The following PTPRN2 variants were observed in gnomAD, a reference collection of about 807,000 sequenced individuals.
The protein encoded by PTPRN2 is protein tyrosine phosphatase receptor type N2.
Under a neutral mutation model 118.8 loss-of-function variants are expected in PTPRN2, and 74 were observed. The ratio of observed to expected loss-of-function variants is 0.62; its 90% CI spans 0.52 to 0.76. The LOEUF (loss-of-function observed/expected upper bound fraction) is 0.76, where lower values mean the gene tolerates loss of function less well. Ranked by LOEUF, PTPRN2 falls within the 30% of genes least tolerant of loss-of-function variation. PTPRN2 has a pLI of 0.00. For missense variants in PTPRN2, 1,481 were observed against 1,394.4 expected (o/e 1.06, Z -0.99); for synonymous variants, 641 against 608.0 (o/e 1.05, Z -0.80).
Position 158,295,218 on chromosome 7 carries a change from C to A in PTPRN2, c.277+21601G>T, listed in dbSNP as rs531660134. On this transcript the variant is annotated intron_variant, in intron 3 of 22. Transcript: ENST00000389418. The stretch of plus-strand genomic sequence containing the variant: ...TTTCTGAGGGTCTAAGCCCATGGGG[C>A]CCGCTGACCCTGCCTGTCTGCCCAG... Among the ~76,000 whole-genome samples the A allele has an allele frequency of 1.9e-3, 157 of 82,432 alleles. 2 individuals are homozygous for A. Among genetic ancestry groups the A allele is most frequent in the African/African-American group, 7.7e-3 (151 of 19,632 alleles). The allele number at this position is 82,432 out of a possible 152,430, so 54.1% of individuals were successfully genotyped here.
chr7:158,165,233 T>A (rs1585706231), intron 6 of PTPRN2, among the ~76,000 whole-genome samples: 1 of 148,820 alleles, frequency 6.7e-6, no homozygotes, highest in Non-Finnish European at 1.5e-5. Context: ...CCCACGCAAG[T>A]GCAGGAGGCA....
chr7:158,370,684 G>A (rs1203440307), intron 2 of PTPRN2, among the ~76,000 whole-genome samples: 1 of 143,862 alleles, frequency 7.0e-6, no homozygotes, highest in Non-Finnish European at 1.5e-5. Context: ...CCCAGGAGGC[G>A]GAGCTTGCAG....
At chr7:158,223,153 A>G (rs1002675033) in intron 3 of PTPRN2, among the ~76,000 whole-genome samples, 1 of 152,226 alleles carries the variant, frequency 6.6e-6, no homozygotes, top group Non-Finnish European at 1.5e-5. Flanking sequence ...GAATACTTCT[A>G]CACTATTAAG....
chr7:158,145,932 C>T (rs1056272262), intron 6 of PTPRN2, among the ~76,000 whole-genome samples: 2 of 152,218 alleles, frequency 1.3e-5, no homozygotes, highest in African/African-American at 4.8e-5. Flanking sequence ...TTTCTTCATG[C>T]CTCAGTTTCC....
intron 10 of PTPRN2, among the ~76,000 whole-genome samples, chr7:158,103,616 T>G (rs1482889370): frequency 6.6e-6 from 1 of 152,190 alleles, no homozygotes; most frequent in Non-Finnish European, 1.5e-5. Flanking sequence ...TCTCTAGCAC[T>G]GTCCGATTTG....
chr7:158,056,332 G>A (rs1037296466), intron 11 of PTPRN2, among the ~76,000 whole-genome samples: 1 of 152,236 alleles, frequency 6.6e-6, no homozygotes, highest in African/African-American at 2.4e-5. Flanking sequence ...GAGCAGGGGG[G>A]CACACCTGGC....
In PTPRN2 at chr7:157,756,420, G is replaced by A. The variant is rs531257383; in HGVS notation, c.1789-73483C>T. Among the ~76,000 whole-genome samples, 12 of 151,782 alleles carry A rather than the reference G, an allele frequency of 7.9e-5. 1 individual carries two copies. The South Asian group carries it at 1.9e-3, about 24-fold the overall frequency. On this transcript the variant is annotated intron_variant, in intron 12 of 22. Coordinates refer to ENST00000389418, the MANE Select transcript of PTPRN2 (RefSeq NM_002847.5). Reference sequence around the variant, plus strand: ...AGTGATTCTCCTGCCTCAGCCTCCCGAAGTACCTGGGATTACAGGTGTCCG... The same window carrying A: ...AGTGATTCTCCTGCCTCAGCCTCCCAAAGTACCTGGGATTACAGGTGTCCG...
At chr7:158,549,356 C>T (rs1826495968) in intron 1 of PTPRN2, among the ~76,000 whole-genome samples, 1 of 152,206 alleles carries the variant, frequency 6.6e-6, no homozygotes, top group African/African-American at 2.4e-5. Context: ...CCTCCTCTGG[C>T]GAGCTTTGTG....
At chr7:157,896,368 T>C (rs1422613408) in intron 12 of PTPRN2, among the ~76,000 whole-genome samples, 1 of 152,170 alleles carries the variant, frequency 6.6e-6, no homozygotes, top group Non-Finnish European at 1.5e-5. Context: ...CCAGGCCCTG[T>C]GGCTCCTCCA....
chr7:157,948,826 T>A (rs1800638787), intron 11 of PTPRN2, among the ~76,000 whole-genome samples: 1 of 152,226 alleles, frequency 6.6e-6, no homozygotes, highest in African/African-American at 2.4e-5. Context: ...TTATGGAAGC[T>A]CAACTGGTGA....
At chr7:158,519,951 G>A (rs1823862055) in intron 1 of PTPRN2, among the ~76,000 whole-genome samples, 1 of 152,176 alleles carries the variant, frequency 6.6e-6, no homozygotes, top group Non-Finnish European at 1.5e-5. Context: ...TTCCTGTTCA[G>A]TGCAATGACT....
At chr7:158,084,532 A>G (rs912744904) in intron 10 of PTPRN2, among the ~76,000 whole-genome samples, 1 of 152,118 alleles carries the variant, frequency 6.6e-6, no homozygotes, top group African/African-American at 2.4e-5. Context: ...AGGAAATAAA[A>G]AGTAAAACAA....
chr7:157,656,242 C>T (rs771742621), intron 14 of PTPRN2, 115 bp downstream of exon 14: 48 of 1,094,172 alleles, frequency 4.4e-5, no homozygotes, highest in Non-Finnish European at 6.1e-5. Context: ...GGGCAGGGTG[C>T]AGCCATCATC....
At chr7:157,778,129 G>A (rs1307172647) in intron 12 of PTPRN2, among the ~76,000 whole-genome samples, 1 of 152,228 alleles carries the variant, frequency 6.6e-6, no homozygotes, top group Non-Finnish European at 1.5e-5. Flanking sequence ...AGAACACACA[G>A]ACTCCCTGTT....
rs376451570 is a variant in PTPRN2 at position 158,316,567 on chromosome 7, G to A, written c.277+252C>T. ...CCTACTTTGTGCCAGGCCCAGCTGC[G>A]GGCCACTGCAGCCTCCTGGCATCTC... is the stretch of plus-strand genomic sequence containing the variant. On this transcript the variant is annotated intron_variant, in intron 3 of 22. Transcript: ENST00000389418. 3.0e-4 allele frequency among the ~76,000 whole-genome samples: 46 copies of A among 152,142 alleles called. No homozygotes were observed. The East Asian group carries it at 3.9e-3, about 13-fold the overall frequency.
chr7:157,990,651 G>T lies in PTPRN2; in HGVS notation c.1723+90647C>A, dbSNP rs933157233. Reference sequence around the variant, plus strand: ...GGCGGTGCTGACAGTAGGACATGCTGGTCCCCTTCCCAGTGAAGTCCCAGG... The same window carrying T: ...GGCGGTGCTGACAGTAGGACATGCTTGTCCCCTTCCCAGTGAAGTCCCAGG... On this transcript the variant is annotated intron_variant, in intron 11 of 22. Coordinates refer to ENST00000389418, the MANE Select transcript of PTPRN2 (RefSeq NM_002847.5). This position sits in a 1 kb window ranked among gnomAD's most constrained non-coding sequence, Gnocchi z 4.3. Among the ~76,000 whole-genome samples the T allele has an allele frequency of 7.9e-5, 12 of 152,178 alleles. No individual in the cohort carries two copies. Among genetic ancestry groups the T allele is most frequent in the African/African-American group, 2.9e-4 (12 of 41,452 alleles).
chr7:157,576,541 AGCACC>A, intron 19 of PTPRN2, 67 bp downstream of exon 19: 2 of 1,394,620 alleles, frequency 1.4e-6, no homozygotes, highest in Admixed American at 5.2e-5. Context: ...GCGTCTCAGG[AGCACC>A]GAAGCCTCGC....
At position 158,455,219 on chromosome 7, in the gene PTPRN2, G is replaced by A. The variant is rs537909486; in HGVS notation, c.163+34516C>T. On this transcript the variant is annotated intron_variant, in intron 2 of 22. Coordinates refer to ENST00000389418, the MANE Select transcript of PTPRN2 (RefSeq NM_002847.5). Reference sequence around the variant, plus strand: ...TAACGGCACGGACGCCATCGGCCACGGCCACCCATCGCTCTGCAGAGAAGA... The same window carrying A: ...TAACGGCACGGACGCCATCGGCCACAGCCACCCATCGCTCTGCAGAGAAGA... Among the ~76,000 whole-genome samples, 438 of 151,634 alleles carry A rather than the reference G, an allele frequency of 2.9e-3. 3 individuals carry two copies. Among genetic ancestry groups the A allele is most frequent in the African/African-American group, 9.7e-3 (401 of 41,224 alleles).
At chr7:157,769,697 C>T (rs949667148) in intron 12 of PTPRN2, among the ~76,000 whole-genome samples, 7 of 152,212 alleles carry the variant, frequency 4.6e-5, no homozygotes, top group African/African-American at 1.7e-4. Flanking sequence ...GACATGTCAC[C>T]AGCCCCTCCA....
Sources: gnomAD v4.1 joint callset for allele counts (sites outside exome capture counted in the v4.1 genomes callset) on GRCh38, gnomAD v4.1.1 for gene constraint, Gnocchi (gnomAD v3.1) non-coding constraint, MANE v1.5 for transcripts, NCBI Gene and HGNC (gene_info 2026-07-23, HGNC 2026-07-21) for gene names.